LRRC9: variants seen among roughly 807,000 people sequenced by gnomAD.
LRRC9 encodes leucine rich repeat containing 9, also known as leucine-rich repeat-containing protein 9.
In LRRC9, 122 loss-of-function variants were observed where a neutral mutation model predicts 63.2. The observed-to-expected ratio is 1.93, with a 90% CI of 1.67 to 2.24. The LOEUF (loss-of-function observed/expected upper bound fraction) is 2.24. Ranked by LOEUF, LRRC9 falls within the 30% of genes most tolerant of loss-of-function variation. The pLI, the probability that LRRC9 is intolerant of heterozygous loss-of-function variation, is 0.00. For missense variants in LRRC9, 1,071 were observed against 627.7 expected, an observed-to-expected ratio of 1.71 and a Z score of -7.55; for synonymous variants, 366 against 213.1, an observed-to-expected ratio of 1.72 and a Z score of -6.25.
chr14:59,962,893 C>T lies in LRRC9; in HGVS notation c.1211+1848C>T, dbSNP rs139063925. Among the ~76,000 whole-genome samples the T allele has an allele frequency of 6.6e-6, 1 of 152,028 alleles. No individual in the cohort carries two copies. The highest frequency in any genetic ancestry group is 1.9e-4 in the East Asian group (1 of 5,180). On this transcript the variant is annotated intron_variant, in intron 10 of 31. Coordinates refer to ENST00000445360, the Ensembl canonical transcript of LRRC9. This position sits in a 1 kb window ranked among gnomAD's most constrained non-coding sequence, Gnocchi z 5.1. ...ATTTTGATTAGCATTAACCTGTTTA[C>T]TTGGTTTTAATAAGAGTAACTTTGA...
At chr14:60,024,145 C>A (rs890414932) in intron 27 of LRRC9, among the ~76,000 whole-genome samples, 1 of 152,044 alleles carries the variant, frequency 6.6e-6, no homozygotes, top group Non-Finnish European at 1.5e-5. Flanking sequence ...ATTTATAATC[C>A]TTTGGGTATA....
chr14:59,975,745 T>C (rs929039515), intron 13 of LRRC9, among the ~76,000 whole-genome samples: 4 of 152,214 alleles, frequency 2.6e-5, no homozygotes, highest in African/African-American at 7.2e-5. Context: ...ACATGAAGTA[T>C]TAATGCGTGG....
rs1299854515 is a variant in LRRC9 at position 60,060,932 on chromosome 14, T to G, written c.4277-2391T>G. On this transcript the variant is annotated intron_variant, in intron 31 of 31. Coordinates refer to ENST00000445360, the Ensembl canonical transcript of LRRC9. This position sits in a 1 kb window ranked among gnomAD's most constrained non-coding sequence, Gnocchi z 4.0. ...GGGTTCAGGACTTCAGTGAAGGAAGTAACTGCAGATGTGTGGAAACAGCAA... is the reference window on the plus strand; with the variant it reads ...GGGTTCAGGACTTCAGTGAAGGAAGGAACTGCAGATGTGTGGAAACAGCAA... Among the ~76,000 whole-genome samples, 1 of 152,100 alleles carries G rather than the reference T, an allele frequency of 6.6e-6. No homozygotes were observed. Among genetic ancestry groups the G allele is most frequent in the Non-Finnish European group, 1.5e-5 (1 of 68,002 alleles).
chr14:60,001,874 T>C, intron 19 of LRRC9, 92 bp from the exon 20 acceptor site: 1 of 427,314 alleles, frequency 2.3e-6, no homozygotes, highest in Non-Finnish European at 4.1e-6. Context: ...ATTGGGCCAC[T>C]CATCTTCCCT....
intron 2 of LRRC9, 126 bp from the exon 3 acceptor site, chr14:59,928,142 A>G: frequency 8.8e-6 from 5 of 567,432 alleles, no homozygotes; most frequent in Non-Finnish European, 1.5e-5. Context: ...ATGTGATATA[A>G]CTTTCTCTCT....
intron 27 of LRRC9, among the ~76,000 whole-genome samples, chr14:60,025,683 A>T (rs978433359): frequency 1.5e-5 from 2 of 137,654 alleles, no homozygotes; most frequent in African/African-American, 7.0e-5. Flanking sequence ...ATTTTACAAA[A>T]AAAAAAAAAA....
At chr14:59,974,796 T>A in intron 13 of LRRC9, 88 bp downstream of exon 13, 3 of 520,214 alleles carry the variant, frequency 5.8e-6, no homozygotes, top group Non-Finnish European at 1.0e-5. Flanking sequence ...ATACTTGGTT[T>A]TATCAACCAA....
At chr14:60,016,084 C>T (rs1052431330) in intron 23 of LRRC9, among the ~76,000 whole-genome samples, 17 of 152,140 alleles carry the variant, frequency 1.1e-4, no homozygotes, top group African/African-American at 3.4e-4. Context: ...CTCTAACACC[C>T]AGTAGAGATT....
intron 29 of LRRC9, among the ~76,000 whole-genome samples, chr14:60,033,224 A>T (rs1022648945): frequency 6.6e-6 from 1 of 151,792 alleles, no homozygotes; most frequent in Non-Finnish European, 1.5e-5. Flanking sequence ...TGGTTTGTAA[A>T]TTTTTTTGGA....
At chr14:59,933,756 G>A (rs1889900820) in intron 6 of LRRC9, among the ~76,000 whole-genome samples, 1 of 152,128 alleles carries the variant, frequency 6.6e-6, no homozygotes, top group African/African-American at 2.4e-5. Context: ...ATTGGTGGGA[G>A]GATCTTCTGG....
chr14:59,945,403 A>T (rs1882259894), intron 8 of LRRC9, among the ~76,000 whole-genome samples: 1 of 151,970 alleles, frequency 6.6e-6, no homozygotes, highest in African/African-American at 2.4e-5. Flanking sequence ...TAGTCAAACT[A>T]TTTGGGAGCT....
chr14:59,931,096 G>A (rs1463220969), intron 4 of LRRC9, 38 bp downstream of exon 4: 19 of 343,040 alleles, frequency 5.5e-5, no homozygotes. Context: ...TGTAAAGCCA[G>A]TTACTACTGT....
chr14:59,937,046 G>T (rs753681749), intron 6 of LRRC9, among the ~76,000 whole-genome samples: 1 of 152,040 alleles, frequency 6.6e-6, no homozygotes, highest in Admixed American at 6.6e-5. Context: ...GGATATCCTC[G>T]AAGTTGGCTG....
chr14:59,942,055 C>A lies in LRRC9; in HGVS notation c.727-2534C>A, dbSNP rs1337386151. Reference sequence around the variant, plus strand: ...TTTAGTTCTCATACGTGAGTGATAACATGCAGTCTTTATTTTTCTGTGCTT... The same window carrying A: ...TTTAGTTCTCATACGTGAGTGATAAAATGCAGTCTTTATTTTTCTGTGCTT... On this transcript the variant is annotated intron_variant, in intron 7 of 31. Transcript: ENST00000445360. This position sits in a 1 kb window ranked among gnomAD's most constrained non-coding sequence, Gnocchi z 5.3. Among the ~76,000 whole-genome samples, 1 of 152,128 alleles carries A rather than the reference C, an allele frequency of 6.6e-6. No individual in the cohort carries two copies. Among genetic ancestry groups the A allele is most frequent in the African/African-American group, 2.4e-5 (1 of 41,448 alleles).
intron 8 of LRRC9, among the ~76,000 whole-genome samples, chr14:59,954,815 G>A (rs1215822924): frequency 6.6e-6 from 1 of 152,114 alleles, no homozygotes; most frequent in African/African-American, 2.4e-5. Flanking sequence ...TTTGAGATAT[G>A]TTCCAGCAAT....
rs1369202117 is a variant in LRRC9, at chr14:59,928,411, AG to A, written c.193del (p.Asp65IlefsTer2). 1.4e-6 allele frequency: 1 copy of A among 698,122 alleles called. No homozygotes were observed. Among genetic ancestry groups the A allele is most frequent in the Non-Finnish European group, 2.6e-6 (1 of 382,848 alleles). The allele number at this position is 698,122 out of a possible 1,614,324, so 43.2% of individuals were successfully genotyped here. On this transcript the variant is annotated frameshift_variant, in exon 3 of 32. Coordinates refer to ENST00000445360, the Ensembl canonical transcript of LRRC9. LOFTEE classifies it high-confidence loss of function. ...TAACGAGTCTTACCATTGTTGCTCA[AG>A]ATATAAAAGAAATTTCAGGGTTAGA...
intron 13 of LRRC9, 83 bp downstream of exon 13, chr14:59,974,791 T>G: frequency 1.9e-6 from 1 of 523,228 alleles, no homozygotes; most frequent in South Asian, 2.9e-5. Flanking sequence ...TTCTGATACT[T>G]GGTTTTATCA....
chr14:59,958,008 C>G lies in LRRC9; in HGVS notation c.883-1810C>G, dbSNP rs1283983273. Among the ~76,000 whole-genome samples the G allele has an allele frequency of 6.6e-6, 1 of 152,208 alleles. No homozygotes were observed. Among genetic ancestry groups the G allele is most frequent in the Non-Finnish European group, 1.5e-5 (1 of 68,022 alleles). On this transcript the variant is annotated intron_variant, in intron 8 of 31. Transcript: ENST00000445360. The surrounding 1 kb of genome is among the most constrained non-coding windows in gnomAD (Gnocchi z 4.0). ...TGCTCCTTCCTCTGGAAGCTTCATC[C>G]TGAAGGAGCACTGGCCTGATGCCAA... is the stretch of plus-strand genomic sequence containing the variant.
rs754862578 is a variant in LRRC9 at position 60,058,441 on chromosome 14, T to C, written c.4276+419T>C. Among the ~76,000 whole-genome samples, 16 of 152,148 alleles carry C rather than the reference T, an allele frequency of 1.1e-4. No homozygotes were observed. The highest frequency in any genetic ancestry group is 2.1e-4 in the Non-Finnish European group (14 of 67,990). The stretch of plus-strand genomic sequence containing the variant: ...TAACAGAATCCCGGGGTACAAAGGA[T>C]ATTCTGCAGAGATATCTCACTTTCC... On this transcript the variant is annotated intron_variant, in intron 31 of 31. Transcript: ENST00000445360. The surrounding 1 kb of genome is among the most constrained non-coding windows in gnomAD (Gnocchi z 4.4).
Sources: allele counts gnomAD v4.1 joint callset (sites outside exome capture counted in the v4.1 genomes callset), GRCh38; gene constraint gnomAD v4.1.1; non-coding constraint Gnocchi (gnomAD v3.1); transcripts MANE v1.5; gene names NCBI Gene and HGNC (gene_info 2026-07-23, HGNC 2026-07-21).